MYO6: variants seen among roughly 807,000 people sequenced by gnomAD.
The protein encoded by MYO6 is myosin VI.
In MYO6, 74 loss-of-function variants were observed where a neutral mutation model predicts 178.7. The observed-to-expected ratio is 0.41, with a 90% CI of 0.34 to 0.50. The LOEUF (loss-of-function observed/expected upper bound fraction) is 0.50, where lower values mean the gene tolerates loss of function less well. MYO6 is among the 20% of genes least tolerant of loss of function. The probability of loss-of-function intolerance (pLI) is 0.09; values close to 1 mark genes in which losing one functional copy is unlikely to be tolerated. For missense variants in MYO6, 1,330 were observed against 1,547.4 expected (o/e 0.86, Z 2.36); for synonymous variants, 477 against 504.6 (o/e 0.95, Z 0.73).
chr6:75,862,698 A>G lies in MYO6; in HGVS notation c.1649A>G (p.Lys550Arg). 6.2e-7 allele frequency: 1 copy of G among 1,614,152 alleles called. No homozygotes were observed. The highest frequency in any genetic ancestry group is 1.3e-5 in the African/African-American group (1 of 75,060). Residue 550 changes from lysine to arginine, a missense_variant, in exon 16 of 35, where the codon AAG (lysine) becomes AGG (arginine). Physicochemically the swap from Lys to Arg is conservative, Grantham distance 26. Around this residue, in one of 3 missense-constraint regions of MYO6, gnomAD observed 613 missense variants for 816.8 expected, o/e 0.75. Coordinates refer to ENST00000369977, the MANE Select transcript of MYO6 (RefSeq NM_004999.4). Reference protein sequence around the residue: ...DQHFTSAVHQKHKDHFRLTIP... With the variant: ...DQHFTSAVHQRHKDHFRLTIP... ...CACTTTACATCTGCAGTTCACCAAA[A>G]GCACAAGGATCATTTTCGACTCACT...
intron 22 of MYO6, 56 bp downstream of exon 22, chr6:75,880,176 T>G (rs2149344135): frequency 8.1e-7 from 1 of 1,230,790 alleles, no homozygotes; most frequent in South Asian, 1.3e-5. Flanking sequence ...ATAGTTGGGG[T>G]TAGTGAATAT....
rs565707418 is a variant in MYO6, at chr6:75,774,792, A to G, written c.-48+25369A>G. On this transcript the variant is annotated intron_variant, in intron 1 of 34. Transcript: ENST00000369977. The stretch of plus-strand genomic sequence containing the variant: ...AGTTTATTGAGAAATTATTATTATT[A>G]TTATTACTATTTTTTTTTTTGACGG... 2.1e-4 allele frequency among the ~76,000 whole-genome samples: 32 copies of G among 151,438 alleles called. No individual in the cohort carries two copies. In the South Asian group the frequency reaches 6.7e-3, roughly 32 times the overall value.
At chr6:75,845,986 CAAA>C (rs35630499) in intron 10 of MYO6, among the ~76,000 whole-genome samples, 1 of 108,238 alleles carries the variant, frequency 9.2e-6, no homozygotes. Context: ...GACTCTGTCT[CAAA>C]AAAAAAAAAA....
At chr6:75,778,522 G>A (rs961340087) in intron 1 of MYO6, among the ~76,000 whole-genome samples, 3 of 151,946 alleles carry the variant, frequency 2.0e-5, no homozygotes, top group East Asian at 3.9e-4. Context: ...GCTTGAACCC[G>A]GGAGGCGGAG....
At chr6:75,757,466 C>T (rs892087840) in intron 1 of MYO6, among the ~76,000 whole-genome samples, 5 of 150,544 alleles carry the variant, frequency 3.3e-5, no homozygotes, top group African/African-American at 1.2e-4. Context: ...CAGAGGTGGG[C>T]GACCTTGGTG....
intron 10 of MYO6, 129 bp from the exon 11 acceptor site, chr6:75,848,222 A>G: frequency 2.4e-6 from 2 of 819,268 alleles, no homozygotes; most frequent in Non-Finnish European, 4.1e-6. Context: ...ATGTTAGAAT[A>G]GTAAAGATTT....
chr6:75,858,237 GA>G (rs1183244270), intron 13 of MYO6, among the ~76,000 whole-genome samples: 1 of 152,090 alleles, frequency 6.6e-6, no homozygotes, highest in African/African-American at 2.4e-5. Context: ...AGATTATGCA[GA>G]AAAAAATCTT....
intron 2 of MYO6, among the ~76,000 whole-genome samples, chr6:75,819,030 C>G (rs988340788): frequency 6.6e-6 from 1 of 152,048 alleles, no homozygotes; most frequent in African/African-American, 2.4e-5. Context: ...TCACAGGTGA[C>G]AAAACAATTC....
chr6:75,854,394 G>T (rs1775561431), intron 11 of MYO6, among the ~76,000 whole-genome samples: 1 of 145,494 alleles, frequency 6.9e-6, no homozygotes, highest in South Asian at 2.2e-4. Context: ...ATAAGGAAAA[G>T]AGGAAGCATT....
At chr6:75,896,692 T>C (rs1368609487) in intron 29 of MYO6, among the ~76,000 whole-genome samples, 1 of 152,230 alleles carries the variant, frequency 6.6e-6, no homozygotes, top group Non-Finnish European at 1.5e-5. Context: ...TAGTTCTTCC[T>C]TGGGTAGGAC....
intron 1 of MYO6, among the ~76,000 whole-genome samples, chr6:75,751,400 T>C (rs1171690607): frequency 6.6e-6 from 1 of 152,172 alleles, no homozygotes; most frequent in African/African-American, 2.4e-5. Flanking sequence ...AGATCATGAT[T>C]AAAAACTGTA....
In MYO6 at chr6:75,873,819, C is replaced by T. The variant is rs150473463; in HGVS notation, c.2077+519C>T. Among the ~76,000 whole-genome samples the T allele has an allele frequency of 2.5e-3, 386 of 152,200 alleles. 11 individuals carry two copies. The highest frequency in any genetic ancestry group is 5.1e-4 in the Non-Finnish European group (35 of 68,000). The stretch of plus-strand genomic sequence containing the variant: ...CACGACTTGTAAAGAAAATGAAACA[C>T]GATTCCCTCTGCATCTGTGACACTT... On this transcript the variant is annotated intron_variant, in intron 20 of 34. Transcript: ENST00000369977.
chr6:75,850,137 A>G (rs191070349), intron 11 of MYO6, among the ~76,000 whole-genome samples: 1 of 152,204 alleles, frequency 6.6e-6, no homozygotes, highest in Non-Finnish European at 1.5e-5. Context: ...TCCAGGACCA[A>G]AGTAAGTCCT....
At chr6:75,838,533 A>T (rs1773876331) in intron 7 of MYO6, among the ~76,000 whole-genome samples, 1 of 152,076 alleles carries the variant, frequency 6.6e-6, no homozygotes, top group African/African-American at 2.4e-5. Flanking sequence ...CTTGTATTAA[A>T]TTCTTCAGCA....
intron 1 of MYO6, among the ~76,000 whole-genome samples, chr6:75,776,043 G>A (rs1346739444): frequency 2.0e-5 from 3 of 152,020 alleles, no homozygotes; most frequent in East Asian, 1.9e-4. Context: ...CTGCTCCCCC[G>A]AGCACCATTT....
chr6:75,879,777 C>T lies in MYO6; in HGVS notation c.2078-43C>T, dbSNP rs368572878. The T allele has an allele frequency of 1.2e-4, 196 of 1,613,850 alleles. 1 individual carries two copies. Among genetic ancestry groups the T allele is most frequent in the South Asian group, 9.2e-4 (84 of 91,022 alleles). On this transcript the variant is annotated intron_variant, in intron 20 of 34. Coordinates refer to ENST00000369977, the MANE Select transcript of MYO6 (RefSeq NM_004999.4). ...TCATTCACAAATTATTTTGGACTTC[C>T]GAACAGTGATTGACAGTGCTTTGTG...
intron 1 of MYO6, among the ~76,000 whole-genome samples, chr6:75,768,442 G>T (rs1390073880): frequency 6.6e-6 from 1 of 151,312 alleles, no homozygotes; most frequent in Non-Finnish European, 1.5e-5. Context: ...GTGCAGTGGT[G>T]TGATCTCGGC....
chr6:75,833,417 A>C (rs905347560), intron 6 of MYO6, among the ~76,000 whole-genome samples: 3 of 152,218 alleles, frequency 2.0e-5, no homozygotes, highest in African/African-American at 7.2e-5. Context: ...CCATCTCCAG[A>C]ACTTTCATCT....
At position 75,863,022 on chromosome 6, in the gene MYO6, C is replaced by T. The variant is rs1322551; in HGVS notation, c.1674+299C>T. On this transcript the variant is annotated intron_variant, in intron 16 of 34. Coordinates refer to ENST00000369977, the MANE Select transcript of MYO6 (RefSeq NM_004999.4). ...GGGAGGACAGCTTGAGCCTGGGAGT[C>T]GAGGCTACAGTGAGTTGTTAGCATG... is the stretch of plus-strand genomic sequence containing the variant. Among the ~76,000 whole-genome samples, 51,499 of 151,910 alleles carry T rather than the reference C, an allele frequency of 0.34. 9,622 individuals carry two copies. The highest frequency in any genetic ancestry group is 0.48 in the Admixed American group (7,321 of 15,236).
Sources: allele counts gnomAD v4.1 joint callset (sites outside exome capture counted in the v4.1 genomes callset), GRCh38; gene constraint gnomAD v4.1.1; regional missense constraint gnomAD v4.1.1; transcripts MANE v1.5; gene names NCBI Gene and HGNC (gene_info 2026-07-23, HGNC 2026-07-21).